ATAD2B: variants seen among roughly 807,000 people sequenced by gnomAD.
ATAD2B encodes ATPase family AAA domain containing 2B, also known as ATPase family AAA domain-containing protein 2B.
Under a neutral mutation model 167.6 loss-of-function variants are expected in ATAD2B, and 40 were observed. The ratio of observed to expected loss-of-function variants is 0.24; its 90% CI spans 0.19 to 0.31. ATAD2B has a LOEUF of 0.31. ATAD2B is among the 10% of genes least tolerant of loss of function. The probability of loss-of-function intolerance (pLI) is 1.00; values close to 1 mark genes in which losing one functional copy is unlikely to be tolerated. For synonymous variants in ATAD2B, 579 were observed against 596.5 expected (o/e 0.97, Z 0.43); for missense variants, 1,242 against 1,757.2 (o/e 0.71, Z 5.24).
intron 22 of ATAD2B, 76 bp downstream of exon 22, chr2:23,782,793 G>A (rs1680255550): frequency 7.1e-6 from 9 of 1,269,642 alleles, no homozygotes; most frequent in South Asian, 1.4e-5. Context: ...CTAGAACACA[G>A]GCATGACTTA....
the ATAD2B span, among the ~76,000 whole-genome samples, chr2:23,730,665 CAAAA>C: frequency 5.3e-4 from 17 of 31,984 alleles, no homozygotes; most frequent in African/African-American, 1.9e-3. Context: ...GACTCCGTTT[CAAAA>C]AAAAAAAAAA....
chr2:23,688,097 G>T, the ATAD2B span, among the ~76,000 whole-genome samples: 1 of 152,178 alleles, frequency 6.6e-6, no homozygotes, highest in African/African-American at 2.4e-5. Context: ...GACAGGTGTG[G>T]CTTGGAAGCC....
chr2:23,735,068 T>C, the ATAD2B span, among the ~76,000 whole-genome samples: 109 of 152,340 alleles, frequency 7.2e-4, no homozygotes, highest in Non-Finnish European at 1.1e-3. Flanking sequence ...TCTATTTTCA[T>C]GTCATGGTAC....
chr2:23,775,646 C>T (rs1034387747), intron 22 of ATAD2B, among the ~76,000 whole-genome samples: 7 of 152,156 alleles, frequency 4.6e-5, no homozygotes, highest in Non-Finnish European at 8.8e-5. Context: ...CCAGTAGAGG[C>T]GATACATTTG....
At chr2:23,766,530 C>T (rs978156231) in intron 22 of ATAD2B, among the ~76,000 whole-genome samples, 13 of 152,148 alleles carry the variant, frequency 8.5e-5, no homozygotes, top group Non-Finnish European at 1.8e-4. Context: ...ACCAAACATG[C>T]ACCACTCAAA....
At chr2:23,877,835 G>A (rs1249382368) in intron 7 of ATAD2B, among the ~76,000 whole-genome samples, 4 of 150,046 alleles carry the variant, frequency 2.7e-5, no homozygotes, top group African/African-American at 9.8e-5. Context: ...TCCAGCCTGG[G>A]TGACAGAATG....
chr2:23,885,833 C>CA lies in ATAD2B; in HGVS notation c.573-5dup. Reference sequence around the variant, plus strand: ...CTGTAGTACAGCTTCAGCAGTGCTACAATCACATAATAAAATCAGGATTTA... The same window carrying CA: ...CTGTAGTACAGCTTCAGCAGTGCTACAAATCACATAATAAAATCAGGATTTA... On this transcript the variant is annotated splice_region_variant and splice_polypyrimidine_tract_variant and intron_variant, in intron 4 of 27. Transcript: ENST00000238789. The CA allele has an allele frequency of 6.6e-7, 1 of 1,524,646 alleles. No individual in the cohort carries two copies. The highest frequency in any genetic ancestry group is 9.0e-7 in the Non-Finnish European group (1 of 1,117,260). The allele number at this position is 1,524,646 out of a possible 1,614,324, so 94.4% of individuals were successfully genotyped here.
intron 19 of ATAD2B, among the ~76,000 whole-genome samples, chr2:23,790,650 G>A (rs1485496338): frequency 6.6e-6 from 1 of 152,030 alleles, no homozygotes; most frequent in Non-Finnish European, 1.5e-5. Flanking sequence ...CAAACTTCAT[G>A]GTGTACCAAA....
intron 22 of ATAD2B, among the ~76,000 whole-genome samples, chr2:23,767,155 A>G (rs111906890): frequency 0.016 from 2,464 of 151,370 alleles, 32 homozygotes; most frequent in Middle Eastern, 0.041. Context: ...GACTCATTCC[A>G]ATTACCTGCT....
At chr2:23,911,422 G>T (rs1255408734) in intron 1 of ATAD2B, among the ~76,000 whole-genome samples, 1 of 152,010 alleles carries the variant, frequency 6.6e-6, no homozygotes. Flanking sequence ...AGGCGTAGTG[G>T]CACATGCTTG....
At chr2:23,713,305 A>AC in the ATAD2B span, among the ~76,000 whole-genome samples, 1 of 150,388 alleles carries the variant, frequency 6.6e-6, no homozygotes, top group Non-Finnish European at 1.5e-5. Flanking sequence ...TCTTCAATTC[A>AC]CCCCCTAAAT....
In ATAD2B at chr2:23,754,664, CAACTATAAG is replaced by C; in HGVS notation, c.4180_4188del (p.Leu1394_Val1396del). Reference sequence around the variant, plus strand: ...AAGCTTACCTTCAATCTCTCACGATCAACTATAAGAGGAGGCACAGGCTCAGATGGCTCT... The same window carrying C: ...AAGCTTACCTTCAATCTCTCACGATCAGGAGGCACAGGCTCAGATGGCTCT... On this transcript the variant is annotated inframe_deletion, in exon 26 of 28. Transcript: ENST00000238789. The C allele has an allele frequency of 6.2e-7, 1 of 1,612,178 alleles. No individual in the cohort carries two copies. Among genetic ancestry groups the C allele is most frequent in the Non-Finnish European group, 8.5e-7 (1 of 1,179,044 alleles).
At position 23,826,607 on chromosome 2, in the gene ATAD2B, A is replaced by G. The variant is rs141760218; in HGVS notation, c.1819+2242T>C. ...TGAAAATACAGCTACTAAAGAGGTT[A>G]GACTAGAAACAAGGTCATAACAAAA... On this transcript the variant is annotated intron_variant, in intron 15 of 27. Transcript: ENST00000238789. Among the ~76,000 whole-genome samples the G allele has an allele frequency of 6.6e-5, 10 of 152,326 alleles. No individual in the cohort carries two copies. In the East Asian group the frequency reaches 1.5e-3, roughly 23 times the overall value.
chr2:23,802,170 C>T (rs776160244), intron 18 of ATAD2B, among the ~76,000 whole-genome samples: 17 of 151,912 alleles, frequency 1.1e-4, no homozygotes, highest in Non-Finnish European at 1.6e-4. Context: ...TTATAAAGCA[C>T]AGGTAAAAGA....
the ATAD2B span, among the ~76,000 whole-genome samples, chr2:23,681,317 C>G: frequency 6.6e-6 from 1 of 152,188 alleles, no homozygotes. The surrounding 1 kb of genome is among the most constrained non-coding windows in gnomAD (Gnocchi z 4.2). Flanking sequence ...AAGTGAGATT[C>G]AGAGAGAGCA....
the ATAD2B span, among the ~76,000 whole-genome samples, chr2:23,711,146 T>A: frequency 6.6e-6 from 1 of 152,034 alleles, no homozygotes; most frequent in African/African-American, 2.4e-5. Flanking sequence ...TAAAGATAGG[T>A]AAGATGTGTA....
chr2:23,725,351 T>G, the ATAD2B span, among the ~76,000 whole-genome samples: 3 of 152,188 alleles, frequency 2.0e-5, no homozygotes, highest in South Asian at 6.2e-4. Context: ...AAACCTGGAC[T>G]TCATCAACAA....
the ATAD2B span, among the ~76,000 whole-genome samples, chr2:23,711,251 A>G: frequency 6.7e-6 from 1 of 150,314 alleles, no homozygotes; most frequent in South Asian, 2.1e-4. Flanking sequence ...CAGAATTTCT[A>G]TAATGACATT....
intron 21 of ATAD2B, among the ~76,000 whole-genome samples, chr2:23,783,351 T>C (rs1397028675): frequency 6.6e-6 from 1 of 151,224 alleles, no homozygotes; most frequent in East Asian, 1.9e-4. Flanking sequence ...AAGTTCCCAA[T>C]GAGCATCAAT....
Sources: gnomAD v4.1 joint callset for allele counts (sites outside exome capture counted in the v4.1 genomes callset) on GRCh38, gnomAD v4.1.1 for gene constraint, Gnocchi (gnomAD v3.1) non-coding constraint, MANE v1.5 for transcripts, NCBI Gene and HGNC (gene_info 2026-07-23, HGNC 2026-07-21) for gene names.